The following CEP76 variants were observed in gnomAD, a reference collection of about 807,000 sequenced individuals.
CEP76 encodes the protein centrosomal protein 76, also known as centrosomal protein of 76 kDa.
A neutral mutation model predicts 83.3 loss-of-function variants in CEP76; 55 were observed. The observed-to-expected ratio is 0.66, with a 90% confidence interval of 0.53 to 0.83. CEP76 has a LOEUF of 0.83. Ranked by LOEUF, CEP76 falls within the 40% of genes least tolerant of loss-of-function variation. CEP76 has a pLI of 0.00. For synonymous variants in CEP76, 270 were observed against 274.5 expected (o/e 0.98, Z 0.16); for missense variants, 694 against 799.5 (o/e 0.87, Z 1.59).
chr18:12,702,260 C>CT (rs1209910538), intron 1 of CEP76, among the ~76,000 whole-genome samples: 1 of 152,262 alleles, frequency 6.6e-6, no homozygotes, highest in Non-Finnish European at 1.5e-5. Context: ...ACCGCTCGTT[C>CT]TATCGCCCCA....
intron 9 of CEP76, among the ~76,000 whole-genome samples, chr18:12,680,412 A>G (rs2039303857): frequency 6.6e-6 from 1 of 151,910 alleles, no homozygotes; most frequent in African/African-American, 2.4e-5. Context: ...CCTGGCTAAC[A>G]TGGTGAAAAC....
Position 12,702,571 on chromosome 18 carries a change from C to A in CEP76, c.-23G>T. On this transcript the variant is annotated 5_prime_UTR_variant, in exon 1 of 12. Transcript: ENST00000262127. ...CATGCTGGCAGCCGGCGTCTCCCCG[C>A]CGCTTCTCCCCGCCTCAGATGCCCT... is the stretch of plus-strand genomic sequence containing the variant. 1 of 1,583,934 alleles carries A rather than the reference C, an allele frequency of 6.3e-7. No homozygotes were observed. The highest frequency in any genetic ancestry group is 2.3e-5 in the East Asian group (1 of 43,664).
intron 12 of CEP76, among the ~76,000 whole-genome samples, chr18:12,665,990 C>T (rs927155563): frequency 6.6e-6 from 1 of 152,172 alleles, no homozygotes; most frequent in African/African-American, 2.4e-5. Flanking sequence ...CCACCGTGCC[C>T]GGCCCAACAC....
rs2040058471 is a variant in CEP76, at chr18:12,699,039, A to G, written c.460T>C (p.Cys154Arg). The change falls in exon 4 of 12, where the codon TGT (cysteine) becomes CGT (arginine). Residue 154 changes from cysteine (C) to arginine (R), a missense_variant. Transcript: ENST00000262127. ...NQRFRSKPVP[C>R]ACEPDFHDGF... ...TCATGAAAATCTGGTTCACAGGCACATGGAACAGGTTTAGAACGAAAACGT... is the reference window on the plus strand; with the variant it reads ...TCATGAAAATCTGGTTCACAGGCACGTGGAACAGGTTTAGAACGAAAACGT... 1.2e-6 allele frequency: 2 copies of G among 1,614,098 alleles called. No homozygotes were observed. The highest frequency in any genetic ancestry group is 8.5e-7 in the Non-Finnish European group (1 of 1,179,962).
At chr18:12,696,456 T>C (rs981597899) in intron 5 of CEP76, among the ~76,000 whole-genome samples, 2 of 152,024 alleles carry the variant, frequency 1.3e-5, no homozygotes, top group Admixed American at 6.6e-5. Context: ...TGAGCCGAGA[T>C]TGCAGCACTG....
At chr18:12,669,819 G>A (rs961422455), downstream of CEP76, among the ~76,000 whole-genome samples, 6 of 151,946 alleles carry the variant, frequency 3.9e-5, no homozygotes, top group Non-Finnish European at 8.8e-5. Context: ...TGACCAACAT[G>A]CAGAAACCCT....
Position 12,699,873 on chromosome 18 carries a change from T to G in CEP76, c.252A>C (p.Pro84=). The G allele has an allele frequency of 6.3e-7, 1 of 1,599,436 alleles. No homozygotes were observed. The highest frequency in any genetic ancestry group is 8.5e-7 in the Non-Finnish European group (1 of 1,172,868). ...GTCTATCAAAACAAATAGGTTGTTT[T>G]GGAGAGGAAGGGAGTTCTTGCTCAA... ...DSVEQELPSS[P]KQPICFDRQS... Residue 84 remains proline (P), a synonymous_variant, in exon 3 of 12, where the codon CCA becomes CCC. Transcript: ENST00000262127.
At chr18:12,687,693 T>C (rs544012206) in intron 7 of CEP76, among the ~76,000 whole-genome samples, 7 of 151,828 alleles carry the variant, frequency 4.6e-5, no homozygotes, top group Admixed American at 6.6e-5. Context: ...CCTCAAGTGA[T>C]CCGCCCACCT....
intron 6 of CEP76, among the ~76,000 whole-genome samples, chr18:12,694,788 T>G (rs1314980153): frequency 6.6e-6 from 1 of 151,756 alleles, no homozygotes; most frequent in East Asian, 1.9e-4. Flanking sequence ...CTGGGCTCAC[T>G]GCAAGCTCCT....
intron 10 of CEP76, 136 bp from the exon 11 acceptor site, chr18:12,674,889 A>C (rs1042872881): frequency 1.9e-6 from 1 of 518,502 alleles, no homozygotes; most frequent in Non-Finnish European, 3.3e-6. Context: ...AATAATAATA[A>C]TTATAGGGAT....
intron 2 of CEP76, among the ~76,000 whole-genome samples, chr18:12,700,540 T>C (rs1325603569): frequency 6.6e-6 from 1 of 152,188 alleles, no homozygotes; most frequent in African/African-American, 2.4e-5. Flanking sequence ...GTCAATTATT[T>C]TCTTAAAGAA....
chr18:12,674,791 A>G (rs984584200), intron 10 of CEP76, 38 bp from the exon 11 acceptor site: 4 of 1,372,968 alleles, frequency 2.9e-6, no homozygotes, highest in African/African-American at 1.5e-5. Context: ...AGTGAAATAC[A>G]TTAATATTTT....
intron 10 of CEP76, 104 bp downstream of exon 10, chr18:12,678,005 G>A (rs2039205871): frequency 1.2e-6 from 1 of 832,282 alleles, no homozygotes. Flanking sequence ...TAGTTGTTTT[G>A]TTCAGGGCTA....
Position 12,673,494 on chromosome 18 carries a change from G to A in CEP76, c.1851C>T (p.Phe617=). 1 of 1,576,002 alleles carries A rather than the reference G, an allele frequency of 6.3e-7. No homozygotes were observed. The highest frequency in any genetic ancestry group is 8.6e-7 in the Non-Finnish European group (1 of 1,168,328). The change falls in exon 12 of 12, where the codon TTC becomes TTT. Residue 617 remains phenylalanine, a synonymous_variant. Coordinates refer to ENST00000262127, the MANE Select transcript of CEP76 (RefSeq NM_024899.4). Reference sequence around the variant, plus strand: ...CACGGCAACAGATTATTTCTTCACAGAAAGGAGATCTATTTAAGAAAAAAA... The same window carrying A: ...CACGGCAACAGATTATTTCTTCACAAAAAGGAGATCTATTTAAGAAAAAAA... The part of the protein sequence containing the change: ...RAFATCLRSP[F]CEEIICCRGD...
At chr18:12,679,547 T>C (rs1215410467) in intron 9 of CEP76, among the ~76,000 whole-genome samples, 3 of 152,142 alleles carry the variant, frequency 2.0e-5, no homozygotes. Context: ...AGCCTAATTT[T>C]TCGTGGCCAT....
At position 12,700,946 on chromosome 18, in the gene CEP76, A is replaced by G. The variant is rs760711644; in HGVS notation, c.219+12T>C. 7.5e-6 allele frequency: 12 copies of G among 1,605,700 alleles called. No individual in the cohort carries two copies. Among genetic ancestry groups the G allele is most frequent in the Non-Finnish European group, 9.4e-6 (11 of 1,173,546 alleles). On this transcript the variant is annotated intron_variant, in intron 2 of 11. Coordinates refer to ENST00000262127, the MANE Select transcript of CEP76 (RefSeq NM_024899.4). ...TATATACTCTCATTTATTTCCCTAA[A>G]AGATTACTCACAGTAACAAAATTAA... is the stretch of plus-strand genomic sequence containing the variant.
Position 12,686,422 on chromosome 18 carries a change from C to G in CEP76, c.962G>C (p.Cys321Ser), listed in dbSNP as rs770831877. ...QDENGINRPV[C>S]SYVKPLRAGR... Reference sequence around the variant, plus strand: ...AGCTCGAAGTGGTTTAACATAGGAACAGACTGGTCTATTTATCCCATTTTC... The same window carrying G: ...AGCTCGAAGTGGTTTAACATAGGAAGAGACTGGTCTATTTATCCCATTTTC... Residue 321 changes from cysteine (C) to serine (S), a missense_variant, in exon 8 of 12, where the codon TGT (cysteine) becomes TCT (serine). By Grantham distance (112) the Cys-to-Ser change is moderately radical. Transcript: ENST00000262127. The G allele has an allele frequency of 7.4e-6, 12 of 1,613,306 alleles. No individual in the cohort carries two copies. The African/African-American group carries it at 1.1e-4, about 14-fold the overall frequency.
intron 12 of CEP76, among the ~76,000 whole-genome samples, chr18:12,664,223 G>A (rs533124070): frequency 2.4e-4 from 37 of 152,076 alleles, no homozygotes; most frequent in African/African-American, 8.7e-4. Context: ...CTACAGGGAT[G>A]TGCCACCACA....
chr18:12,671,641 T>C (rs987085358), downstream of CEP76, among the ~76,000 whole-genome samples: 3 of 81,364 alleles, frequency 3.7e-5, no homozygotes, highest in South Asian at 3.0e-4. Context: ...TTTCACACTT[T>C]CTTTTTTTTT....
Sources: allele counts gnomAD v4.1 joint callset (sites outside exome capture counted in the v4.1 genomes callset), GRCh38; gene constraint gnomAD v4.1.1; transcripts MANE v1.5; gene names NCBI Gene and HGNC (gene_info 2026-07-23, HGNC 2026-07-21).